Variants in C8orf34 observed in about 807,000 individuals in gnomAD.
The protein encoded by C8orf34 is uncharacterized protein C8orf34.
A neutral mutation model predicts 68.3 loss-of-function variants in C8orf34; 65 were observed. The ratio of observed to expected loss-of-function variants is 0.95; its 90% CI spans 0.78 to 1.17. The LOEUF (loss-of-function observed/expected upper bound fraction) is 1.17. Ranked by LOEUF, C8orf34 falls within the 50% of genes most tolerant of loss-of-function variation. The pLI, the probability that C8orf34 is intolerant of heterozygous loss-of-function variation, is 0.00. For missense variants in C8orf34, 664 were observed against 655.4 expected, an observed-to-expected ratio of 1.01 and a Z score of -0.14; for synonymous variants, 244 against 241.2, an observed-to-expected ratio of 1.01 and a Z score of -0.11.
intron 6 of C8orf34, among the ~76,000 whole-genome samples, chr8:68,531,500 T>C (rs912122165): frequency 1.3e-5 from 2 of 152,176 alleles, no homozygotes; most frequent in African/African-American, 4.8e-5. Context: ...AGATTAGATA[T>C]TTTTGGAAAA....
intron 7 of C8orf34, among the ~76,000 whole-genome samples, chr8:68,579,973 C>T (rs181031649): frequency 6.6e-6 from 1 of 152,214 alleles, no homozygotes; most frequent in East Asian, 1.9e-4. Flanking sequence ...CATCCGGGCT[C>T]AGGTTATCAA....
In C8orf34 at chr8:68,667,572, A is replaced by C. The variant is rs552081945; in HGVS notation, c.1241+27061A>C. On this transcript the variant is annotated intron_variant, in intron 8 of 13. Coordinates refer to ENST00000518698, the MANE Select transcript of C8orf34 (RefSeq NM_052958.4). ...TCTGTGGTGCTAACTCAGGGCAACA[A>C]AAGAAATAAGACTTCATCTAAGCTG... Among the ~76,000 whole-genome samples the C allele has an allele frequency of 7.1e-4, 108 of 152,312 alleles. 3 individuals are homozygous for C. In the Middle Eastern group the frequency reaches 0.031, roughly 43 times the overall value.
intron 1 of C8orf34, among the ~76,000 whole-genome samples, chr8:68,343,164 C>T (rs1806140385): frequency 6.6e-6 from 1 of 152,106 alleles, no homozygotes; most frequent in Non-Finnish European, 1.5e-5. Context: ...CAAGAAGAGA[C>T]ATTTCACATA....
chr8:68,699,439 T>C (rs1195284986), intron 8 of C8orf34, among the ~76,000 whole-genome samples: 2 of 152,070 alleles, frequency 1.3e-5, no homozygotes, highest in African/African-American at 4.8e-5. Context: ...CAGAGCATGC[T>C]GGCCATATGA....
rs564475610 is a variant in C8orf34, at chr8:68,614,348, A to G, written c.1106-26028A>G. ...GTTGCCATTGCTTTTGGTGTTTTAG[A>G]AATGAAGTCCTTGCCCATGCCTATG... On this transcript the variant is annotated intron_variant, in intron 7 of 13. Coordinates refer to ENST00000518698, the MANE Select transcript of C8orf34 (RefSeq NM_052958.4). Among the ~76,000 whole-genome samples, 5 of 152,178 alleles carry G rather than the reference A, an allele frequency of 3.3e-5. No homozygotes were observed. The South Asian group carries it at 6.2e-4, about 19-fold the overall frequency.
At chr8:68,467,347 C>T (rs1003107477) in intron 3 of C8orf34, among the ~76,000 whole-genome samples, 1 of 151,996 alleles carries the variant, frequency 6.6e-6, no homozygotes, top group Non-Finnish European at 1.5e-5. Flanking sequence ...TTACTATGTA[C>T]CCATCACTAA....
chr8:68,681,034 T>C (rs1189755593), intron 8 of C8orf34, among the ~76,000 whole-genome samples: 2 of 152,170 alleles, frequency 1.3e-5, no homozygotes, highest in Non-Finnish European at 2.9e-5. Context: ...CATGTCCATT[T>C]ATAGGCTCTC....
intron 8 of C8orf34, among the ~76,000 whole-genome samples, chr8:68,647,102 G>A (rs72666744): frequency 0.03 from 4,620 of 152,160 alleles, 82 homozygotes; most frequent in Non-Finnish European, 0.04. Context: ...TAACTAGAAA[G>A]CAAAGAACCC....
intron 1 of C8orf34, among the ~76,000 whole-genome samples, chr8:68,411,906 G>T (rs1809459904): frequency 6.6e-6 from 1 of 152,192 alleles, no homozygotes. Context: ...AGTCACCAAG[G>T]TGATGGTATT....
At chr8:68,485,571 G>A (rs1443713970) in intron 4 of C8orf34, among the ~76,000 whole-genome samples, 1 of 151,788 alleles carries the variant, frequency 6.6e-6, no homozygotes, top group Non-Finnish European at 1.5e-5. Context: ...AATTAGCTGG[G>A]CATGGTGGCG....
chr8:68,592,384 G>T (rs1411832355), intron 7 of C8orf34, among the ~76,000 whole-genome samples: 1 of 151,892 alleles, frequency 6.6e-6, no homozygotes, highest in Non-Finnish European at 1.5e-5. Flanking sequence ...CCTGGATATT[G>T]TATTGTTTGG....
intron 4 of C8orf34, among the ~76,000 whole-genome samples, chr8:68,473,920 T>C (rs1197040041): frequency 2.0e-5 from 3 of 152,192 alleles, no homozygotes; most frequent in Non-Finnish European, 4.4e-5. Flanking sequence ...GACTCCCTGC[T>C]CACCTCCTTT....
intron 10 of C8orf34, among the ~76,000 whole-genome samples, chr8:68,745,845 G>A (rs1292887022): frequency 1.3e-5 from 2 of 152,022 alleles, no homozygotes; most frequent in Non-Finnish European, 2.9e-5. Context: ...AAGTCAACAA[G>A]GATACCCAGG....
intron 10 of C8orf34, among the ~76,000 whole-genome samples, chr8:68,776,019 G>A (rs967227272): frequency 2.0e-5 from 3 of 152,104 alleles, no homozygotes; most frequent in African/African-American, 7.2e-5. Flanking sequence ...GTGGAGGGAG[G>A]GTAAGCATCA....
intron 8 of C8orf34, among the ~76,000 whole-genome samples, chr8:68,700,399 A>G (rs994001025): frequency 2.6e-5 from 4 of 152,110 alleles, no homozygotes. Context: ...ACGGAGTTAA[A>G]TGGGTTCGGC....
rs75601159 is a variant in C8orf34, at chr8:68,705,676, T to C, written c.1242-3318T>C. Reference sequence around the variant, plus strand: ...AGTTTGGCTCAAAGAAGATTGAACATGAAAAGGAAACAGCTAGTTATTTTA... The same window carrying C: ...AGTTTGGCTCAAAGAAGATTGAACACGAAAAGGAAACAGCTAGTTATTTTA... On this transcript the variant is annotated intron_variant, in intron 8 of 13. Transcript: ENST00000518698. Among the ~76,000 whole-genome samples, 8 of 151,848 alleles carry C rather than the reference T, an allele frequency of 5.3e-5. No homozygotes were observed. The East Asian group carries it at 7.7e-4, about 15-fold the overall frequency.
intron 8 of C8orf34, among the ~76,000 whole-genome samples, chr8:68,653,259 T>C (rs1819414313): frequency 6.6e-6 from 1 of 152,196 alleles, no homozygotes; most frequent in African/African-American, 2.4e-5. Context: ...CCTTTTGTTT[T>C]TAGATTACAT....
chr8:68,599,873 CACACACACAA>C (rs1411253986), intron 7 of C8orf34, among the ~76,000 whole-genome samples: 3 of 151,938 alleles, frequency 2.0e-5, no homozygotes, highest in East Asian at 1.9e-4. Context: ...TGTATACAGA[CACACACACAA>C]ACACACACAA....
At chr8:68,521,488 G>A (rs905675378) in intron 5 of C8orf34, among the ~76,000 whole-genome samples, 2 of 152,002 alleles carry the variant, frequency 1.3e-5, no homozygotes, top group Non-Finnish European at 2.9e-5. Context: ...TATGTGGGCC[G>A]CCCTGTTTAC....
Sources: gnomAD v4.1 joint callset for allele counts (sites outside exome capture counted in the v4.1 genomes callset) on GRCh38, gnomAD v4.1.1 for gene constraint, MANE v1.5 for transcripts, NCBI Gene and HGNC (gene_info 2026-07-23, HGNC 2026-07-21) for gene names.